Variants in RBFOX2 observed in about 807,000 individuals in gnomAD.
RBFOX2 encodes the protein RNA binding protein fox-1 homolog 2.
A neutral mutation model predicts 49.1 loss-of-function variants in RBFOX2; 10 were observed. The ratio of observed to expected loss-of-function variants is 0.20; its 90% confidence interval spans 0.13 to 0.35. RBFOX2 has a LOEUF of 0.35. Ranked by LOEUF, RBFOX2 falls within the 10% of genes least tolerant of loss-of-function variation. The pLI is 1.00. For synonymous variants in RBFOX2, 183 were observed against 187.4 expected, an observed-to-expected ratio of 0.98 and a Z score of 0.19; for missense variants, 323 against 486.9, an observed-to-expected ratio of 0.66 and a Z score of 3.17.
chr22:35,786,586 G>A (rs949972634), intron 2 of RBFOX2, among the ~76,000 whole-genome samples: 2 of 152,220 alleles, frequency 1.3e-5, no homozygotes. Flanking sequence ...CGAGGATCCT[G>A]ACTTCTAACT....
intron 1 of RBFOX2, among the ~76,000 whole-genome samples, chr22:36,023,407 A>G (rs1347979880): frequency 6.6e-6 from 1 of 152,182 alleles, no homozygotes; most frequent in African/African-American, 2.4e-5. Flanking sequence ...CCATATCAAC[A>G]TTTCACTGAC....
chr22:35,865,498 C>G (rs1160245793), intron 1 of RBFOX2, among the ~76,000 whole-genome samples: 1 of 152,078 alleles, frequency 6.6e-6, no homozygotes, highest in Admixed American at 6.6e-5. Context: ...TTAATTCCAG[C>G]GTTCAAAAAG....
chr22:35,849,607 C>T (rs1364256849), intron 1 of RBFOX2, among the ~76,000 whole-genome samples: 1 of 152,030 alleles, frequency 6.6e-6, no homozygotes, highest in Non-Finnish European at 1.5e-5. Context: ...ATACAATATA[C>T]ACCATACATA....
chr22:35,774,803 C>T (rs1253996957), intron 4 of RBFOX2, among the ~76,000 whole-genome samples: 1 of 152,112 alleles, frequency 6.6e-6, no homozygotes, highest in Non-Finnish European at 1.5e-5. Context: ...TGGGTATATC[C>T]TAAAACCCTG....
At chr22:36,002,854 G>A (rs1375182726) in intron 1 of RBFOX2, among the ~76,000 whole-genome samples, 1 of 152,228 alleles carries the variant, frequency 6.6e-6, no homozygotes, top group Non-Finnish European at 1.5e-5. Context: ...TCAAACTTCT[G>A]ACCTCAGATG....
At chr22:35,969,769 C>T (rs192365213) in intron 1 of RBFOX2, among the ~76,000 whole-genome samples, 12 of 152,214 alleles carry the variant, frequency 7.9e-5, no homozygotes, top group South Asian at 2.1e-4. Context: ...ACCACATTAC[C>T]CTTAGAAAGG....
intron 1 of RBFOX2, among the ~76,000 whole-genome samples, chr22:36,025,678 C>A (rs1471473318): frequency 6.6e-6 from 1 of 152,146 alleles, no homozygotes; most frequent in Non-Finnish European, 1.5e-5. Context: ...TTTGTCTCCC[C>A]ACATAGATTG....
rs556016337 is a variant in RBFOX2, at chr22:35,786,968, G to T, written c.253-5222C>A. 2.6e-5 allele frequency among the ~76,000 whole-genome samples: 4 copies of T among 152,198 alleles called. No individual in the cohort carries two copies. The East Asian group carries it at 7.7e-4, about 29-fold the overall frequency. On this transcript the variant is annotated intron_variant, in intron 2 of 11. Transcript: ENST00000405409. ...TTAGGACTCTCATCTCATGCAGCAAGAGTCTCCGGGAGTGGAGACAGGCAT... is the reference window on the plus strand; with the variant it reads ...TTAGGACTCTCATCTCATGCAGCAATAGTCTCCGGGAGTGGAGACAGGCAT...
exon 2 of RBFOX2, chr22:35,809,956 T>C: frequency 6.2e-7 from 1 of 1,614,092 alleles, no homozygotes; most frequent in Non-Finnish European, 8.5e-7. Context: ...GGGATGGTAG[T>C]AAAAGGCTGA....
intron 1 of RBFOX2, among the ~76,000 whole-genome samples, chr22:36,001,298 A>G (rs915036360): frequency 6.6e-6 from 1 of 152,068 alleles, no homozygotes; most frequent in Admixed American, 6.6e-5. Context: ...ACAAGTGACA[A>G]GCTGAATGGG....
At chr22:35,909,810 G>A (rs1414398716) in intron 1 of RBFOX2, among the ~76,000 whole-genome samples, 1 of 152,066 alleles carries the variant, frequency 6.6e-6, no homozygotes, top group Non-Finnish European at 1.5e-5. Flanking sequence ...GACAGGTTTC[G>A]CCATGTTGGC....
At chr22:35,836,144 G>C (rs1309093735) in intron 1 of RBFOX2, among the ~76,000 whole-genome samples, 2 of 152,082 alleles carry the variant, frequency 1.3e-5, no homozygotes, top group Admixed American at 6.6e-5. Context: ...CAACCGAATG[G>C]AATCACTTTA....
chr22:35,914,977 T>C (rs2050245280), intron 1 of RBFOX2, among the ~76,000 whole-genome samples: 1 of 152,202 alleles, frequency 6.6e-6, no homozygotes, highest in African/African-American at 2.4e-5. Flanking sequence ...AGCACAAAAT[T>C]AGTACCCAGT....
chr22:36,014,449 G>C (rs1489103358), intron 1 of RBFOX2, among the ~76,000 whole-genome samples: 1 of 152,120 alleles, frequency 6.6e-6, no homozygotes, highest in Non-Finnish European at 1.5e-5. Flanking sequence ...ATACAATACA[G>C]CTTGGGATAC....
intron 6 of RBFOX2, among the ~76,000 whole-genome samples, chr22:35,763,264 T>C (rs1939634343): frequency 6.6e-6 from 1 of 152,210 alleles, no homozygotes; most frequent in Non-Finnish European, 1.5e-5. Flanking sequence ...GAGCATTCCC[T>C]TTAAATCCAC....
intron 6 of RBFOX2, among the ~76,000 whole-genome samples, chr22:35,761,992 TA>T (rs1939065048): frequency 6.6e-6 from 1 of 152,190 alleles, no homozygotes; most frequent in African/African-American, 2.4e-5. Flanking sequence ...AATCCACTTT[TA>T]CTCGGATTTA....
At chr22:35,899,669 A>G (rs1036798213) in intron 1 of RBFOX2, among the ~76,000 whole-genome samples, 3 of 152,202 alleles carry the variant, frequency 2.0e-5, no homozygotes, top group Non-Finnish European at 4.4e-5. Context: ...GCTATGCTTT[A>G]TAGCTATATA....
chr22:35,810,906 A>T (rs1951745537), intron 1 of RBFOX2, among the ~76,000 whole-genome samples: 1 of 152,178 alleles, frequency 6.6e-6, no homozygotes, highest in Non-Finnish European at 1.5e-5. Flanking sequence ...ATACAAATAT[A>T]TTGTTTTTAA....
intron 1 of RBFOX2, among the ~76,000 whole-genome samples, chr22:35,921,137 A>G (rs2050977653): frequency 6.6e-6 from 1 of 152,222 alleles, no homozygotes; most frequent in South Asian, 2.1e-4. Flanking sequence ...TCAAATCCCT[A>G]TTCTACCACT....
Sources: gnomAD v4.1 joint callset for allele counts (sites outside exome capture counted in the v4.1 genomes callset) on GRCh38, gnomAD v4.1.1 for gene constraint, MANE v1.5 for transcripts, NCBI Gene and HGNC (gene_info 2026-07-23, HGNC 2026-07-21) for gene names.